Variants in VAPA observed in about 807,000 individuals in gnomAD.
The protein encoded by VAPA is vesicle-associated membrane protein-associated protein A.
In VAPA, 6 loss-of-function variants were observed where a neutral mutation model predicts 25.6. That is an observed-to-expected ratio of 0.23 (90% CI 0.13 to 0.46). The LOEUF is 0.46. Among genes scored for constraint, VAPA ranks in the 20% least tolerant of loss-of-function variants. The pLI, the probability that VAPA is intolerant of heterozygous loss-of-function variation, is 0.99. For missense variants in VAPA, 244 were observed against 302.1 expected, an observed-to-expected ratio of 0.81 and a Z score of 1.43; for synonymous variants, 112 against 106.2, an observed-to-expected ratio of 1.05 and a Z score of -0.34.
intron 4 of VAPA, 129 bp from the exon 5 acceptor site, chr18:9,950,266 G>A: frequency 2.2e-6 from 2 of 916,484 alleles, no homozygotes; most frequent in Non-Finnish European, 3.3e-6. Context: ...TCTGACTGCT[G>A]ACATGTACTG....
At chr18:9,925,156 A>G (rs2069189728) in intron 1 of VAPA, 1 of 152,168 alleles carries the variant, frequency 6.6e-6, no homozygotes. Context: ...ACTGGTTTAT[A>G]AAAAATGATT....
chr18:9,920,429 A>G (rs987645831), intron 1 of VAPA, among the ~76,000 whole-genome samples: 2 of 152,032 alleles, frequency 1.3e-5, no homozygotes, highest in Non-Finnish European at 2.9e-5. Context: ...CAGCCTCCCA[A>G]GTAGCTGGGA....
chr18:9,936,082 T>C (rs765671974), intron 2 of VAPA, 28 bp from the exon 3 acceptor site: 2 of 1,505,740 alleles, frequency 1.3e-6, no homozygotes, highest in Non-Finnish European at 1.8e-6. Context: ...CAGGAGACAA[T>C]ATAATATATC....
At chr18:9,936,535 C>A (rs1352048629) in intron 3 of VAPA, 2 of 209,582 alleles carry the variant, frequency 9.5e-6, no homozygotes, top group Non-Finnish European at 1.9e-5. Context: ...ATGACAAGAC[C>A]CTGTCTCTAC....
intron 1 of VAPA, among the ~76,000 whole-genome samples, chr18:9,918,752 G>A (rs568939872): frequency 1.2e-4 from 19 of 152,214 alleles, no homozygotes; most frequent in African/African-American, 4.6e-4. Context: ...CCCCAAGTCT[G>A]TTTTAATTCA....
rs1044163 is a variant in VAPA at position 9,914,279 on chromosome 18, T to C, written c.23T>C (p.Met8Thr). The change falls in exon 1 of 6, where the codon ATG (methionine) becomes ACG (threonine). Residue 8 changes from methionine (M) to threonine (T), a missense_variant. Met to Thr is a moderately conservative substitution (Grantham distance 81). Around this residue, in one of 2 missense-constraint regions of VAPA, gnomAD observed 99 missense variants for 161.6 expected, o/e 0.61. Transcript: ENST00000400000. Reference protein sequence around the residue: MASASGAMAKHEQILVLD... With the variant: MASASGATAKHEQILVLD... The stretch of plus-strand genomic sequence containing the variant: ...CCGATGGCGTCCGCCTCAGGGGCCA[T>C]GGCGAAGCACGAGCAGATCCTGGTC... 1 of 1,589,254 alleles carries C rather than the reference T, an allele frequency of 6.3e-7. No homozygotes were observed. Among genetic ancestry groups the C allele is most frequent in the Admixed American group, 1.7e-5 (1 of 58,126 alleles).
rs1023374982 is a variant in VAPA at position 9,950,420 on chromosome 18, T to C, written c.443T>C (p.Val148Ala). The change falls in exon 5 of 6, where the codon GTT becomes GCT. Residue 148 changes from valine to alanine, a missense_variant. This residue lies in a region of VAPA where 145 missense variants were observed against 140.6 expected (regional missense o/e 1.03). Coordinates refer to ENST00000400000, the MANE Select transcript of VAPA (RefSeq NM_194434.3). ...KLNDMEPSKA[V>A]PLNASKQDGP... ...AATGATATGGAACCTAGCAAAGCTG[T>C]TCCACTGAATGCATCTAAGCAAGAT... is the stretch of plus-strand genomic sequence containing the variant. 6.2e-7 allele frequency: 1 copy of C among 1,613,804 alleles called. No homozygotes were observed. The highest frequency in any genetic ancestry group is 1.1e-5 in the South Asian group (1 of 90,898).
At chr18:9,919,597 C>G (rs991414600) in intron 1 of VAPA, among the ~76,000 whole-genome samples, 4 of 152,148 alleles carry the variant, frequency 2.6e-5, no homozygotes, top group African/African-American at 9.7e-5. Flanking sequence ...TAAAAGTTAT[C>G]CTGGTGAAGA....
rs1186051874 is a variant in VAPA, at chr18:9,958,915, GTACC to G, written c.*4714_*4717del. On this transcript the variant is annotated 3_prime_UTR_variant, in exon 6 of 6. Coordinates refer to ENST00000400000, the MANE Select transcript of VAPA (RefSeq NM_194434.3). ...AATTGCCATTTTGCTGACACCCAGT[GTACC>G]TACCTACCTGAGAAATTTATTTTGT... is the stretch of plus-strand genomic sequence containing the variant. 2 of 152,168 alleles carry G rather than the reference GTACC, an allele frequency of 1.3e-5. No homozygotes were observed. The highest frequency in any genetic ancestry group is 2.9e-5 in the Non-Finnish European group (2 of 68,022). 9.4% of individuals were successfully genotyped at this position (152,168 alleles called of 1,614,324 possible).
At chr18:9,919,454 C>T (rs1008699154) in intron 1 of VAPA, among the ~76,000 whole-genome samples, 2 of 152,140 alleles carry the variant, frequency 1.3e-5, no homozygotes, top group Non-Finnish European at 2.9e-5. Context: ...GCAGTTCTAA[C>T]AAGAGAGATA....
At chr18:9,928,371 A>T (rs1342912881) in intron 1 of VAPA, among the ~76,000 whole-genome samples, 3 of 152,146 alleles carry the variant, frequency 2.0e-5, no homozygotes, top group African/African-American at 4.8e-5. Context: ...TACTCATATA[A>T]TCACCTCCAG....
intron 1 of VAPA, among the ~76,000 whole-genome samples, chr18:9,922,798 G>A (rs1016222387): frequency 1.3e-5 from 2 of 152,118 alleles, no homozygotes; most frequent in Non-Finnish European, 2.9e-5. Context: ...GCCTCTTCCT[G>A]TGATGCCAGT....
intron 1 of VAPA, among the ~76,000 whole-genome samples, chr18:9,931,387 T>C (rs1185307346): frequency 6.6e-6 from 1 of 152,206 alleles, no homozygotes; most frequent in Non-Finnish European, 1.5e-5. Flanking sequence ...AGCACTGATG[T>C]CATAGGGTGT....
chr18:9,947,695 G>A (rs1489770897), intron 4 of VAPA: 1 of 152,208 alleles, frequency 6.6e-6, no homozygotes, highest in Non-Finnish European at 1.5e-5. Context: ...AGAACAACCA[G>A]TCTTTTCTTT....
chr18:9,937,773 A>G (rs779291070), intron 4 of VAPA, among the ~76,000 whole-genome samples: 6 of 152,154 alleles, frequency 3.9e-5, no homozygotes, highest in Non-Finnish European at 5.9e-5. Context: ...AATACATACA[A>G]TAATATGGAT....
intron 4 of VAPA, among the ~76,000 whole-genome samples, chr18:9,938,967 AC>A (rs2069338747): frequency 6.6e-6 from 1 of 152,096 alleles, no homozygotes; most frequent in South Asian, 2.1e-4. Flanking sequence ...TTAATCTGTA[AC>A]TGTTTCAATG....
At position 9,930,364 on chromosome 18, in the gene VAPA, T is replaced by G. The variant is rs377527655; in HGVS notation, c.80-1446T>G. 5.6e-4 allele frequency among the ~76,000 whole-genome samples: 85 copies of G among 152,276 alleles called. 1 individual carries two copies. Among genetic ancestry groups the G allele is most frequent in the African/African-American group, 1.9e-3 (81 of 41,560 alleles). Reference sequence around the variant, plus strand: ...TAGTCAAAATAGTCCTATAACATTTTACATTTTTAAGCGTTTGTAGTAATT... The same window carrying G: ...TAGTCAAAATAGTCCTATAACATTTGACATTTTTAAGCGTTTGTAGTAATT... On this transcript the variant is annotated intron_variant, in intron 1 of 5. Transcript: ENST00000400000.
Position 9,914,069 on chromosome 18 carries a change from T to C in VAPA, c.-188T>C. 1.9e-6 allele frequency: 1 copy of C among 524,666 alleles called. No individual in the cohort carries two copies. The allele number at this position is 524,666 out of a possible 1,614,324, so 32.5% of individuals were successfully genotyped here. On this transcript the variant is annotated 5_prime_UTR_variant, in exon 1 of 6. Transcript: ENST00000400000. ...GGCTGGTGTGGGGTTGAGTCAGTTG[T>C]GGGACCCGGAGCTGCTGACCCAGCG...
At chr18:9,915,286 C>T (rs1012905459) in intron 1 of VAPA, among the ~76,000 whole-genome samples, 1 of 152,164 alleles carries the variant, frequency 6.6e-6, no homozygotes, top group Non-Finnish European at 1.5e-5. Context: ...AAGGTGTCAC[C>T]CAGCTCTGGA....
Sources: allele counts gnomAD v4.1 joint callset (sites outside exome capture counted in the v4.1 genomes callset), GRCh38; gene constraint gnomAD v4.1.1; regional missense constraint gnomAD v4.1.1; transcripts MANE v1.5; gene names NCBI Gene and HGNC (gene_info 2026-07-23, HGNC 2026-07-21).